Variants in KYAT3 observed in about 807,000 individuals in gnomAD.
The protein encoded by KYAT3 is kynurenine aminotransferase 3.
A neutral mutation model predicts 59.0 loss-of-function variants in KYAT3; 50 were observed. The ratio of observed to expected loss-of-function variants is 0.85; its 90% CI spans 0.68 to 1.07. The LOEUF is 1.07. Ranked by LOEUF, KYAT3 falls within the 50% of genes least tolerant of loss-of-function variation. The pLI, the probability that KYAT3 is intolerant of heterozygous loss-of-function variation, is 0.00. For synonymous variants in KYAT3, 148 were observed against 177.0 expected (o/e 0.84, Z 1.30); for missense variants, 497 against 533.3 (o/e 0.93, Z 0.67).
intron 8 of KYAT3, among the ~76,000 whole-genome samples, chr1:88,957,465 T>A (rs2101039021): frequency 6.6e-6 from 1 of 152,318 alleles, no homozygotes; most frequent in South Asian, 2.1e-4. Context: ...TGCAAATTGA[T>A]GTAATGGCCA....
the KYAT3 span, among the ~76,000 whole-genome samples, chr1:88,928,603 C>T: frequency 6.6e-5 from 10 of 152,040 alleles, no homozygotes; most frequent in Non-Finnish European, 1.2e-4. Context: ...CCCCAGGGGA[C>T]GAAGGTCCTC....
the KYAT3 span, among the ~76,000 whole-genome samples, chr1:88,925,772 G>C: frequency 2.6e-5 from 4 of 151,918 alleles, no homozygotes; most frequent in Non-Finnish European, 2.9e-5. Context: ...GATAAAGAGG[G>C]AGTCAAAGAG....
chr1:88,968,600 T>C (rs1676431327), intron 4 of KYAT3, 70 bp downstream of exon 4: 9 of 1,231,130 alleles, frequency 7.3e-6, no homozygotes, highest in Admixed American at 2.9e-5. Flanking sequence ...GAAGGGCACA[T>C]GCACACACAC....
chr1:88,971,130 T>TAA (rs1211459326), intron 2 of KYAT3, among the ~76,000 whole-genome samples: 1 of 152,192 alleles, frequency 6.6e-6, no homozygotes, highest in Non-Finnish European at 1.5e-5. Context: ...ACACAATGTT[T>TAA]AAAGCTTAAT....
the KYAT3 span, chr1:88,923,774 C>A: frequency 3.4e-6 from 1 of 290,360 alleles, no homozygotes; most frequent in East Asian, 1.4e-4. Context: ...TCAGAAAATC[C>A]CTCAACTAAG....
At chr1:88,925,652 GAGAGAGATGGAAGAGAGAA>G in the KYAT3 span, among the ~76,000 whole-genome samples, 1 of 151,488 alleles carries the variant, frequency 6.6e-6, no homozygotes, top group Non-Finnish European at 1.5e-5. Flanking sequence ...TGACAGAGGA[GAGAGAGATGGAAGAGAGAA>G]AGAGAGATGG....
chr1:88,934,989 ATTTTTTTT>A (rs59691903), downstream of KYAT3, among the ~76,000 whole-genome samples: 148 of 110,098 alleles, frequency 1.3e-3, 1 homozygote, highest in South Asian at 7.7e-3. Context: ...TAAAGAAGTG[ATTTTTTTT>A]TTTTTTTTTT....
At chr1:88,925,671 A>G in the KYAT3 span, among the ~76,000 whole-genome samples, 4 of 146,224 alleles carry the variant, frequency 2.7e-5, no homozygotes, top group Non-Finnish European at 6.0e-5. Context: ...GGAAGAGAGA[A>G]AGAGAGATGG....
intron 2 of KYAT3, among the ~76,000 whole-genome samples, chr1:88,973,653 G>T (rs961716515): frequency 6.6e-6 from 1 of 152,158 alleles, no homozygotes; most frequent in African/African-American, 2.4e-5. Flanking sequence ...ATCAAAGGTA[G>T]CATCTTTTAA....
intron 11 of KYAT3, among the ~76,000 whole-genome samples, chr1:88,943,906 A>G (rs952710200): frequency 1.3e-5 from 2 of 152,240 alleles, no homozygotes; most frequent in Non-Finnish European, 2.9e-5. Context: ...TGTCTAGCAC[A>G]TAAGTGACAA....
At chr1:88,991,334 A>G (rs1225036794) in intron 1 of KYAT3, among the ~76,000 whole-genome samples, 2 of 152,228 alleles carry the variant, frequency 1.3e-5, no homozygotes, top group African/African-American at 4.8e-5. Context: ...GTAGTAAGAG[A>G]TTTAATTTGA....
At chr1:88,987,498 A>G (rs1422715597) in intron 2 of KYAT3, among the ~76,000 whole-genome samples, 1 of 152,236 alleles carries the variant, frequency 6.6e-6, no homozygotes, top group Non-Finnish European at 1.5e-5. Context: ...AAAATTGTCA[A>G]TATTCAACCA....
the KYAT3 span, among the ~76,000 whole-genome samples, chr1:88,930,254 A>G: frequency 6.6e-6 from 1 of 152,182 alleles, no homozygotes; most frequent in African/African-American, 2.4e-5. Context: ...ACATCTCATG[A>G]TGTGAATGGC....
chr1:88,975,309 GC>G (rs1447657203), intron 2 of KYAT3, among the ~76,000 whole-genome samples: 1 of 152,124 alleles, frequency 6.6e-6, no homozygotes, highest in African/African-American at 2.4e-5. Flanking sequence ...GTGCCACCAT[GC>G]CTGGCTAATT....
chr1:88,965,827 T>C (rs1025158308), intron 4 of KYAT3, among the ~76,000 whole-genome samples: 5 of 152,186 alleles, frequency 3.3e-5, no homozygotes, highest in Non-Finnish European at 5.9e-5. Flanking sequence ...CATGTACCTT[T>C]GTTTGAAAGC....
chr1:88,979,724 T>C (rs971004448), intron 2 of KYAT3: 1 of 152,200 alleles, frequency 6.6e-6, no homozygotes, highest in African/African-American at 2.4e-5. Flanking sequence ...GGTGGGAATA[T>C]AAAAGGGTAT....
intron 13 of KYAT3, among the ~76,000 whole-genome samples, chr1:88,939,722 T>C (rs1675167990): frequency 6.6e-6 from 1 of 152,212 alleles, no homozygotes; most frequent in Non-Finnish European, 1.5e-5. Context: ...CTTATCTCCA[T>C]CCTTAATGTC....
chr1:88,942,867 G>A, intron 13 of KYAT3, 138 bp downstream of exon 13: 1 of 670,748 alleles, frequency 1.5e-6, no homozygotes, highest in South Asian at 2.1e-5. Flanking sequence ...CAGCCAGTAA[G>A]CAGTTAATTT....
At chr1:88,938,927 G>A (rs1353743911) in intron 13 of KYAT3, among the ~76,000 whole-genome samples, 1 of 152,188 alleles carries the variant, frequency 6.6e-6, no homozygotes, top group East Asian at 1.9e-4. Context: ...CATTCGAAAT[G>A]TGCAAATAAA....
Sources: allele counts gnomAD v4.1 joint callset (sites outside exome capture counted in the v4.1 genomes callset), GRCh38; gene constraint gnomAD v4.1.1; transcripts MANE v1.5; gene names NCBI Gene and HGNC (gene_info 2026-07-23, HGNC 2026-07-21).